The following RPS6KC1 variants were observed in gnomAD, a reference collection of about 807,000 sequenced individuals.
The protein encoded by RPS6KC1 is ribosomal protein S6 kinase C1, also known as inactive ribosomal protein S6 kinase delta-1.
RPS6KC1 carries 54 observed loss-of-function variants against 103.8 expected under a neutral mutation model. The ratio of observed to expected loss-of-function variants is 0.52; its 90% CI spans 0.42 to 0.65. The LOEUF is 0.65. RPS6KC1 is among the 30% of genes least tolerant of loss of function. The pLI is 0.00. For synonymous variants in RPS6KC1, 439 were observed against 438.7 expected, an observed-to-expected ratio of 1.00 and a Z score of -0.01; for missense variants, 1,151 against 1,253.8, an observed-to-expected ratio of 0.92 and a Z score of 1.24.
intron 8 of RPS6KC1, among the ~76,000 whole-genome samples, chr1:213,207,071 T>C (rs566093230): frequency 6.6e-6 from 1 of 152,284 alleles, no homozygotes; most frequent in South Asian, 2.1e-4. Context: ...GTCACAACAC[T>C]GCAATCCAGC....
chr1:213,325,725 C>T, the RPS6KC1 span, among the ~76,000 whole-genome samples: 121 of 152,310 alleles, frequency 7.9e-4, no homozygotes, highest in Admixed American at 1.1e-3. Context: ...TTGGAAGTTC[C>T]GGCAGCGCTC....
chr1:213,478,653 G>A, the RPS6KC1 span, among the ~76,000 whole-genome samples: 2 of 152,042 alleles, frequency 1.3e-5, no homozygotes, highest in South Asian at 2.1e-4. Context: ...TACCATTTGT[G>A]TATCTTCTTT....
chr1:213,138,023 C>G (rs1332015750), intron 6 of RPS6KC1, among the ~76,000 whole-genome samples: 4 of 151,200 alleles, frequency 2.6e-5, no homozygotes, highest in African/African-American at 9.7e-5. Context: ...TTTATTTGTG[C>G]TCTTGATTTT....
intron 6 of RPS6KC1, among the ~76,000 whole-genome samples, chr1:213,132,035 A>G (rs1458234100): frequency 6.6e-6 from 1 of 152,216 alleles, no homozygotes; most frequent in Non-Finnish European, 1.5e-5. Context: ...GGCACCAGAA[A>G]AATAAAAATC....
the RPS6KC1 span, among the ~76,000 whole-genome samples, chr1:213,364,783 G>C: frequency 6.6e-6 from 1 of 151,936 alleles, no homozygotes; most frequent in Non-Finnish European, 1.5e-5. Flanking sequence ...GTAAAACCGT[G>C]TCTCTACTAA....
chr1:213,255,897 T>G (rs970354725), intron 12 of RPS6KC1, among the ~76,000 whole-genome samples: 2 of 152,234 alleles, frequency 1.3e-5, no homozygotes, highest in African/African-American at 4.8e-5. Flanking sequence ...TAGAGTCATG[T>G]ATGAAAATCA....
At chr1:213,830,168 C>G in the RPS6KC1 span, among the ~76,000 whole-genome samples, 1 of 152,124 alleles carries the variant, frequency 6.6e-6, no homozygotes, top group Non-Finnish European at 1.5e-5. Flanking sequence ...TCTTTTGCAT[C>G]GCTGATACAA....
chr1:213,220,165 G>A (rs963696906), intron 8 of RPS6KC1, among the ~76,000 whole-genome samples: 2 of 112,328 alleles, frequency 1.8e-5, no homozygotes, highest in African/African-American at 4.9e-5. Context: ...AGGTTTAAAT[G>A]TAGGGTAAGA....
At chr1:213,071,570 T>C (rs1242699559) in intron 2 of RPS6KC1, among the ~76,000 whole-genome samples, 1 of 152,228 alleles carries the variant, frequency 6.6e-6, no homozygotes, top group African/African-American at 2.4e-5. Flanking sequence ...TAATGAATTA[T>C]GGTGCTGTTT....
At chr1:213,309,539 TGAA>T in the RPS6KC1 span, among the ~76,000 whole-genome samples, 2 of 152,208 alleles carry the variant, frequency 1.3e-5, no homozygotes, top group African/African-American at 4.8e-5. Context: ...ACTTTTGAGA[TGAA>T]GAAGACTCGG....
intron 4 of RPS6KC1, among the ~76,000 whole-genome samples, chr1:213,110,671 C>T (rs1461829178): frequency 1.3e-5 from 2 of 152,132 alleles, no homozygotes; most frequent in Non-Finnish European, 2.9e-5. Context: ...AAAATTTGCC[C>T]TGGCTTTTAC....
chr1:213,696,164 T>C, the RPS6KC1 span, among the ~76,000 whole-genome samples: 1 of 152,200 alleles, frequency 6.6e-6, no homozygotes, highest in East Asian at 1.9e-4. Context: ...GGAGTGGATT[T>C]TGAGTCTGCC....
At chr1:213,754,065 C>G in the RPS6KC1 span, among the ~76,000 whole-genome samples, 1 of 152,152 alleles carries the variant, frequency 6.6e-6, no homozygotes, top group South Asian at 2.1e-4. Flanking sequence ...CTTTCTTCCC[C>G]GTTTCACTGC....
At chr1:213,302,142 C>T in the RPS6KC1 span, among the ~76,000 whole-genome samples, 1 of 152,192 alleles carries the variant, frequency 6.6e-6, no homozygotes, top group Non-Finnish European at 1.5e-5. Flanking sequence ...CTCCTTTATT[C>T]CCCTCAGAGT....
At chr1:213,299,551 C>CA in the RPS6KC1 span, among the ~76,000 whole-genome samples, 52,900 of 105,350 alleles carry the variant, frequency 0.5, 13,274 homozygotes, top group East Asian at 0.63. Context: ...GACTCCATCT[C>CA]AAAAAAAAAA....
At chr1:213,831,874 ACAGTGTCAGC>A in the RPS6KC1 span, among the ~76,000 whole-genome samples, 1 of 152,200 alleles carries the variant, frequency 6.6e-6, no homozygotes, top group Non-Finnish European at 1.5e-5. Context: ...ATGAGCCAAG[ACAGTGTCAGC>A]CCCTACCTGG....
intron 1 of RPS6KC1, among the ~76,000 whole-genome samples, chr1:213,057,355 T>C (rs2077419865): frequency 6.6e-6 from 1 of 152,218 alleles, no homozygotes; most frequent in Admixed American, 6.5e-5. Context: ...TATTGATTTT[T>C]AAATTAACAT....
intron 5 of RPS6KC1, among the ~76,000 whole-genome samples, chr1:213,124,497 T>C (rs990102945): frequency 1.3e-5 from 2 of 152,280 alleles, no homozygotes; most frequent in African/African-American, 4.8e-5. Flanking sequence ...CTAGTTTGCG[T>C]TTCGTATGAT....
chr1:213,689,930 GTGTGGTTGC>G, the RPS6KC1 span, among the ~76,000 whole-genome samples: 1 of 152,194 alleles, frequency 6.6e-6, no homozygotes, highest in Non-Finnish European at 1.5e-5. Context: ...GTCTCATGGA[GTGTGGTTGC>G]TGTTAGATTT....
Sources: gnomAD v4.1 joint callset for allele counts (sites outside exome capture counted in the v4.1 genomes callset) on GRCh38, gnomAD v4.1.1 for gene constraint, MANE v1.5 for transcripts, NCBI Gene and HGNC (gene_info 2026-07-23, HGNC 2026-07-21) for gene names.